The following IL1RAPL2 variants were observed in gnomAD, a reference collection of about 807,000 sequenced individuals.
IL1RAPL2 encodes interleukin 1 receptor accessory protein like 2, also known as X-linked interleukin-1 receptor accessory protein-like 2.
Under a neutral mutation model 44.1 loss-of-function variants are expected in IL1RAPL2, and 3 were observed. The observed-to-expected ratio is 0.07, with a 90% CI of 0.03 to 0.18. IL1RAPL2 has a LOEUF of 0.18. Among genes scored for constraint, IL1RAPL2 ranks in the 10% least tolerant of loss-of-function variants. IL1RAPL2 has a pLI of 1.00. For synonymous variants in IL1RAPL2, 181 were observed against 178.8 expected (o/e 1.01, Z -0.10); for missense variants, 391 against 496.4 (o/e 0.79, Z 2.02).
intron 5 of IL1RAPL2, among the ~76,000 whole-genome samples, chrX:105,416,772 T>TC (rs1004875519): frequency 8.9e-6 from 1 of 111,905 alleles, no homozygotes; most frequent in African/African-American, 3.3e-5. Flanking sequence ...TGCTTCTGTT[T>TC]CGCTTGCTTC....
intron 4 of IL1RAPL2, among the ~76,000 whole-genome samples, chrX:105,266,469 G>T (rs2034403798): frequency 9.0e-6 from 1 of 111,548 alleles, no homozygotes; most frequent in Admixed American, 9.6e-5. Context: ...GCCAGAATGG[G>T]GCAATATCTA....
intron 6 of IL1RAPL2, among the ~76,000 whole-genome samples, chrX:105,672,806 T>C (rs1382657659): frequency 1.8e-5 from 2 of 112,187 alleles, no homozygotes; most frequent in African/African-American, 6.5e-5. Context: ...GGTTGGACTA[T>C]AATAATTATT....
chrX:104,914,748 A>C (rs1924360276), intron 2 of IL1RAPL2, among the ~76,000 whole-genome samples: 1 of 108,881 alleles, frequency 9.2e-6, no homozygotes, highest in South Asian at 4.1e-4. Flanking sequence ...CCAGAGTGTG[A>C]TGTTCCCCTT....
At chrX:105,582,399 C>A (rs1448447984) in intron 6 of IL1RAPL2, among the ~76,000 whole-genome samples, 1 of 111,113 alleles carries the variant, frequency 9.0e-6, no homozygotes, top group Non-Finnish European at 1.9e-5. Context: ...ATCTATAGAT[C>A]CATTTGGGGA....
At chrX:105,513,284 A>C (rs898027726) in intron 6 of IL1RAPL2, among the ~76,000 whole-genome samples, 46 of 111,843 alleles carry the variant, frequency 4.1e-4, no homozygotes, top group African/African-American at 1.5e-3. Flanking sequence ...GTATATACCC[A>C]GTAATGGGAT....
chrX:105,193,339 TA>T (rs1473042512), intron 2 of IL1RAPL2, among the ~76,000 whole-genome samples: 3 of 111,745 alleles, frequency 2.7e-5, no homozygotes, highest in African/African-American at 6.5e-5. Context: ...AATAATAGTT[TA>T]AAAAAATATT....
intron 10 of IL1RAPL2, among the ~76,000 whole-genome samples, chrX:105,764,091 G>C (rs1313808600): frequency 1.8e-5 from 2 of 111,355 alleles, no homozygotes; most frequent in Non-Finnish European, 3.8e-5. Context: ...TCTCCACTAG[G>C]CTTTGCCAGA....
At chrX:105,382,819 G>A (rs1166956442) in intron 5 of IL1RAPL2, among the ~76,000 whole-genome samples, 1 of 107,831 alleles carries the variant, frequency 9.3e-6, no homozygotes, top group African/African-American at 3.5e-5. Context: ...GTCCTTTGTA[G>A]GGACATGGAT....
intron 6 of IL1RAPL2, among the ~76,000 whole-genome samples, chrX:105,685,196 G>A (rs987246797): frequency 8.9e-6 from 1 of 112,084 alleles, no homozygotes; most frequent in African/African-American, 3.2e-5. Context: ...AAGCTGGATG[G>A]AGAATGACTT....
At chrX:105,033,913 T>G (rs1394433751) in intron 2 of IL1RAPL2, among the ~76,000 whole-genome samples, 2 of 111,563 alleles carry the variant, frequency 1.8e-5, no homozygotes, top group Non-Finnish European at 3.8e-5. Context: ...CTTGGAGGCT[T>G]TGTTCATTTC....
chrX:104,729,848 T>C (rs1233657170), intron 2 of IL1RAPL2, among the ~76,000 whole-genome samples: 3 of 111,274 alleles, frequency 2.7e-5, no homozygotes, highest in Non-Finnish European at 5.7e-5. Context: ...CGTTCTTTTT[T>C]ATGGTTGCAT....
intron 2 of IL1RAPL2, among the ~76,000 whole-genome samples, chrX:105,079,633 C>T (rs192438549): frequency 0.07 from 7,628 of 108,519 alleles, 707 homozygotes; most frequent in African/African-American, 0.24. Context: ...CAAGTCTTTG[C>T]TATTGTGAAT....
chrX:105,098,926 G>A (rs1297331567), intron 2 of IL1RAPL2, among the ~76,000 whole-genome samples: 1 of 112,454 alleles, frequency 8.9e-6, no homozygotes, highest in Non-Finnish European at 1.9e-5. Flanking sequence ...ATAAATCAGA[G>A]TGAGATCGTT....
At chrX:105,451,215 T>C (rs996733956) in intron 5 of IL1RAPL2, among the ~76,000 whole-genome samples, 10 of 111,469 alleles carry the variant, frequency 9.0e-5, no homozygotes, top group African/African-American at 2.6e-4. Flanking sequence ...ATATTTTGTT[T>C]ATAGTGAACT....
intron 2 of IL1RAPL2, among the ~76,000 whole-genome samples, chrX:104,783,805 A>G (rs1055465387): frequency 9.3e-6 from 1 of 107,965 alleles, no homozygotes; most frequent in Admixed American, 1.0e-4. Flanking sequence ...AACAGCTCTT[A>G]ATCTGCTCAG....
At chrX:105,054,754 G>A (rs1248097142) in intron 2 of IL1RAPL2, among the ~76,000 whole-genome samples, 2 of 112,240 alleles carry the variant, frequency 1.8e-5, no homozygotes, top group Non-Finnish European at 3.8e-5. Flanking sequence ...TTCTTGGACA[G>A]TACTGATCTA....
intron 6 of IL1RAPL2, among the ~76,000 whole-genome samples, chrX:105,564,394 AACTGCT>A (rs1365945281): frequency 8.9e-6 from 1 of 111,765 alleles, no homozygotes; most frequent in East Asian, 2.8e-4. Context: ...ATCTTCTTAT[AACTGCT>A]ACTGTCTTTG....
At chrX:105,093,086 G>A (rs917661626) in intron 2 of IL1RAPL2, among the ~76,000 whole-genome samples, 2 of 110,241 alleles carry the variant, frequency 1.8e-5, no homozygotes, top group Non-Finnish European at 3.8e-5. Context: ...GTGGACAAAA[G>A]TGGGTAGAAA....
chrX:105,447,759 T>C (rs1556322852), intron 5 of IL1RAPL2, among the ~76,000 whole-genome samples: 2 of 85,891 alleles, frequency 2.3e-5, no homozygotes, highest in African/African-American at 9.5e-5. Flanking sequence ...CATATAAATA[T>C]GTAAATATAT....
Sources: gnomAD v4.1 joint callset for allele counts (sites outside exome capture counted in the v4.1 genomes callset) on GRCh38, gnomAD v4.1.1 for gene constraint, MANE v1.5 for transcripts, NCBI Gene and HGNC (gene_info 2026-07-23, HGNC 2026-07-21) for gene names.